The following GARIN5A variants were observed in gnomAD, a reference collection of about 807,000 sequenced individuals.
GARIN5A encodes Golgi-associated RAB2 interactor protein 5A.
At chr19:50,475,242 C>T in the GARIN5A span, 1 of 1,483,892 alleles carries the variant, frequency 6.7e-7, no homozygotes. Context: ...TGGGGGTGGT[C>T]TGGACGAGGG....
At chr19:50,475,526 G>A in the GARIN5A span, 1 of 1,431,010 alleles carries the variant, frequency 7.0e-7, no homozygotes, top group Non-Finnish European at 9.5e-7. Context: ...CAGAGGTTAG[G>A]AATCTTGGTA....
chr19:50,476,368 A>T, the GARIN5A span: 1 of 1,564,978 alleles, frequency 6.4e-7, no homozygotes, highest in South Asian at 1.2e-5. Flanking sequence ...CCTGGAGATC[A>T]GGCCAAAGGG....
At chr19:50,473,683 T>C in the GARIN5A span, among the ~76,000 whole-genome samples, 2 of 151,762 alleles carry the variant, frequency 1.3e-5, no homozygotes, top group African/African-American at 4.8e-5. Flanking sequence ...AACTGTGAGA[T>C]GTGGTCAAAA....
the GARIN5A span, among the ~76,000 whole-genome samples, chr19:50,472,667 G>C: frequency 6.6e-6 from 1 of 152,048 alleles, no homozygotes; most frequent in Non-Finnish European, 1.5e-5. Flanking sequence ...GGTTGAGGGA[G>C]GAGGATTGCT....
At chr19:50,471,728 GCACGTGTGTGTATACGCATACA>G in the GARIN5A span, among the ~76,000 whole-genome samples, 1 of 145,914 alleles carries the variant, frequency 6.9e-6, no homozygotes, top group African/African-American at 2.7e-5. Flanking sequence ...ACGCATACAT[GCACGTGTGTGTATACGCATACA>G]TGCATGTGTA....
the GARIN5A span, chr19:50,476,610 C>T: frequency 2.6e-6 from 4 of 1,562,190 alleles, no homozygotes; most frequent in Non-Finnish European, 2.6e-6. Flanking sequence ...TAGCAGCGCC[C>T]AGTCGAGCCC....
At chr19:50,476,077 A>G in the GARIN5A span, 8 of 1,609,238 alleles carry the variant, frequency 5.0e-6, no homozygotes, top group Non-Finnish European at 5.9e-6. Flanking sequence ...GCCCCATCCT[A>G]CTTGGTTCCT....
chr19:50,476,358 C>T, the GARIN5A span: 2 of 1,573,366 alleles, frequency 1.3e-6, no homozygotes, highest in Non-Finnish European at 8.6e-7. Context: ...GGGGGCGGCT[C>T]CTGGAGATCA....
chr19:50,467,995 A>G, the GARIN5A span, among the ~76,000 whole-genome samples: 1 of 152,044 alleles, frequency 6.6e-6, no homozygotes, highest in African/African-American at 2.4e-5. Context: ...TTCCAGCCAC[A>G]TGTCTCCTTT....
At chr19:50,471,918 G>A in the GARIN5A span, among the ~76,000 whole-genome samples, 11 of 151,520 alleles carry the variant, frequency 7.3e-5, no homozygotes, top group Middle Eastern at 3.5e-3. Context: ...GTGTGTATAT[G>A]TGTATATACA....
chr19:50,469,287 C>T, the GARIN5A span, among the ~76,000 whole-genome samples: 15 of 152,316 alleles, frequency 9.8e-5, no homozygotes, highest in South Asian at 2.1e-3. Flanking sequence ...CAAGACCCGC[C>T]CCCTCATCGC....
At chr19:50,469,387 C>T in the GARIN5A span, among the ~76,000 whole-genome samples, 13 of 152,192 alleles carry the variant, frequency 8.5e-5, no homozygotes, top group Admixed American at 4.6e-4. Flanking sequence ...GTAGTCCTTT[C>T]CGGTCTGACG....
chr19:50,475,291 A>G, the GARIN5A span: 1 of 1,543,530 alleles, frequency 6.5e-7, no homozygotes, highest in South Asian at 1.2e-5. Context: ...GAGCTGAGGG[A>G]GGAAGGGGTC....
At chr19:50,472,535 G>C in the GARIN5A span, among the ~76,000 whole-genome samples, 1 of 152,050 alleles carries the variant, frequency 6.6e-6, no homozygotes, top group South Asian at 2.1e-4. Flanking sequence ...CATCATTGGT[G>C]TTCTTCCAAC....
the GARIN5A span, among the ~76,000 whole-genome samples, chr19:50,467,252 G>T: frequency 6.6e-6 from 1 of 152,068 alleles, no homozygotes; most frequent in African/African-American, 2.4e-5. Context: ...GCACGGGTGT[G>T]GGTGGCTGTG....
the GARIN5A span, among the ~76,000 whole-genome samples, chr19:50,472,330 T>TCG: frequency 6.7e-6 from 1 of 149,552 alleles, no homozygotes; most frequent in African/African-American, 2.5e-5. Flanking sequence ...TATATATATA[T>TCG]CTCTCTGTCA....
chr19:50,472,020 A>T, the GARIN5A span, among the ~76,000 whole-genome samples: 1 of 144,190 alleles, frequency 6.9e-6, no homozygotes, highest in Non-Finnish European at 1.5e-5. Context: ...ATACGTGTGT[A>T]TATGTATATG....
At chr19:50,472,044 A>ATG in the GARIN5A span, among the ~76,000 whole-genome samples, 80 of 144,872 alleles carry the variant, frequency 5.5e-4, no homozygotes, top group African/African-American at 2.0e-3. Flanking sequence ...GTGTGTGTAT[A>ATG]TGTATATATA....
chr19:50,470,406 G>A, the GARIN5A span, among the ~76,000 whole-genome samples: 1 of 152,132 alleles, frequency 6.6e-6, no homozygotes, highest in South Asian at 2.1e-4. Flanking sequence ...CCAGCTACTT[G>A]GGAGGCTGAG....
Sources: gnomAD v4.1 joint callset for allele counts (sites outside exome capture counted in the v4.1 genomes callset) on GRCh38, gnomAD v4.1.1 for gene constraint, MANE v1.5 for transcripts, NCBI Gene and HGNC (gene_info 2026-07-23, HGNC 2026-07-21) for gene names.